Variants in CCSER2 observed in about 807,000 individuals in gnomAD.
CCSER2 encodes serine-rich coiled-coil domain-containing protein 2.
Under a neutral mutation model 92.3 loss-of-function variants are expected in CCSER2, and 46 were observed. The observed-to-expected ratio is 0.50, with a 90% CI of 0.39 to 0.64. The LOEUF is 0.64. Among genes scored for constraint, CCSER2 ranks in the 30% least tolerant of loss-of-function variants. CCSER2 has a pLI of 0.00. For synonymous variants in CCSER2, 433 were observed against 431.4 expected (o/e 1.00, Z -0.04); for missense variants, 1,244 against 1,238.9 (o/e 1.00, Z -0.06).
intron 1 of CCSER2, among the ~76,000 whole-genome samples, chr10:84,351,493 A>G (rs867700169): frequency 1.3e-5 from 2 of 152,014 alleles, no homozygotes; most frequent in African/African-American, 2.4e-5. Flanking sequence ...TGGCCTCCCA[A>G]AATCCCAAAA....
chr10:84,351,851 G>A (rs2133071492), intron 1 of CCSER2, among the ~76,000 whole-genome samples: 1 of 152,270 alleles, frequency 6.6e-6, no homozygotes, highest in African/African-American at 2.4e-5. Context: ...TATAATAATA[G>A]CCACATTTGG....
intron 6 of CCSER2, among the ~76,000 whole-genome samples, chr10:84,445,753 A>G (rs1464467062): frequency 6.6e-6 from 1 of 152,210 alleles, no homozygotes; most frequent in African/African-American, 2.4e-5. Context: ...CTTTTGCTTA[A>G]TATTATATTC....
intron 1 of CCSER2, among the ~76,000 whole-genome samples, chr10:84,369,943 A>G (rs1845976587): frequency 6.6e-6 from 1 of 152,078 alleles, no homozygotes; most frequent in Non-Finnish European, 1.5e-5. Context: ...ATGCTTTGTC[A>G]AAGGTCAGTT....
chr10:84,456,663 CTG>C (rs1845642323), intron 6 of CCSER2, among the ~76,000 whole-genome samples: 1 of 152,122 alleles, frequency 6.6e-6, no homozygotes, highest in Non-Finnish European at 1.5e-5. Context: ...AACTACCAAA[CTG>C]TTTTCCTTGG....
At chr10:84,454,088 C>T (rs1396430625) in intron 6 of CCSER2, among the ~76,000 whole-genome samples, 1 of 152,080 alleles carries the variant, frequency 6.6e-6, no homozygotes, top group African/African-American at 2.4e-5. Context: ...GCTAGAAATC[C>T]AAAACCAAGG....
intron 6 of CCSER2, among the ~76,000 whole-genome samples, chr10:84,457,039 A>G (rs1294612596): frequency 4.0e-5 from 6 of 150,278 alleles, no homozygotes; most frequent in Non-Finnish European, 5.9e-5. Flanking sequence ...TTGGGCAACT[A>G]TGTACAATTG....
chr10:84,457,301 A>ATATATAATATATTATATATAATATATT (rs1845742347), intron 6 of CCSER2, among the ~76,000 whole-genome samples: 1 of 53,396 alleles, frequency 1.9e-5, no homozygotes, highest in Non-Finnish European at 3.3e-5. Flanking sequence ...TATTATATAT[A>ATATATAATATATTATATATAATATATT]ATATGTTATA....
chr10:84,361,975 G>A (rs11597254), intron 1 of CCSER2, among the ~76,000 whole-genome samples: 5,941 of 152,220 alleles, frequency 0.039, 154 homozygotes, highest in Middle Eastern at 0.058. Flanking sequence ...TAATTCTAAC[G>A]TATGTAGATG....
intron 6 of CCSER2, among the ~76,000 whole-genome samples, chr10:84,459,314 C>T (rs1002182590): frequency 4.6e-5 from 7 of 152,120 alleles, no homozygotes; most frequent in African/African-American, 1.7e-4. Flanking sequence ...CTTTCTACAC[C>T]ATACATTCTG....
chr10:84,373,584 A>G (rs1476873155), intron 2 of CCSER2, 35 bp from the exon 3 acceptor site: 7 of 1,476,118 alleles, frequency 4.7e-6, no homozygotes, highest in Non-Finnish European at 6.6e-6. Context: ...AAACAATTAT[A>G]TTTTTGTGAA....
intron 6 of CCSER2, chr10:84,455,747 T>C: frequency 9.7e-7 from 1 of 1,033,828 alleles, no homozygotes; most frequent in Non-Finnish European, 1.5e-6. Flanking sequence ...CACCTGCACA[T>C]TCTCAGAGGG....
In CCSER2 at chr10:84,398,228, C is replaced by T. The variant is rs1176864597; in HGVS notation, c.1615-19543C>T. ...CCTCTGTCTTCAAACCGAGCAACAC[C>T]GCACCTCTTTGACCATTCTCCTTCT... is the stretch of plus-strand genomic sequence containing the variant. On this transcript the variant is annotated intron_variant, in intron 3 of 9. Transcript: ENST00000372088. Among the ~76,000 whole-genome samples the T allele has an allele frequency of 3.9e-5, 6 of 152,140 alleles. No homozygotes were observed. The East Asian group carries it at 7.7e-4, about 20-fold the overall frequency.
intron 7 of CCSER2, among the ~76,000 whole-genome samples, chr10:84,465,239 TTGTGTG>T (rs59254139): frequency 0.053 from 5,700 of 106,700 alleles, 271 homozygotes; most frequent in East Asian, 0.06. Flanking sequence ...TTTCCTGAAT[TTGTGTG>T]TGTGTGTGTG....
Position 84,424,665 on chromosome 10 carries a change from GT to G in CCSER2, c.1706-1055del, listed in dbSNP as rs904098329. On this transcript the variant is annotated intron_variant, in intron 4 of 9. Transcript: ENST00000372088. ...TGAAACAGTAATTTAAATAAGCGAG[GT>G]TTTTTTTTTTAATGGGGATTATGTT... 2.3e-4 allele frequency among the ~76,000 whole-genome samples: 34 copies of G among 145,268 alleles called. No individual in the cohort carries two copies. The South Asian group carries it at 3.5e-3, about 15-fold the overall frequency.
chr10:84,492,001 C>T (rs1411054948), intron 9 of CCSER2, among the ~76,000 whole-genome samples: 4 of 152,146 alleles, frequency 2.6e-5, no homozygotes, highest in African/African-American at 9.7e-5. Context: ...ATTTCTGGGC[C>T]ATGTGCGGTG....
chr10:84,386,491 C>A (rs913918487), intron 3 of CCSER2, among the ~76,000 whole-genome samples: 1 of 152,166 alleles, frequency 6.6e-6, no homozygotes, highest in South Asian at 2.1e-4. Flanking sequence ...CTGAGGCAGG[C>A]GGATCACTTG....
chr10:84,332,432 ATATAT>A (rs1279270353), intron 1 of CCSER2, among the ~76,000 whole-genome samples: 1 of 73,322 alleles, frequency 1.4e-5, no homozygotes, highest in Non-Finnish European at 2.3e-5. Context: ...ATATATATAT[ATATAT>A]TTTTTTTTTT....
intron 6 of CCSER2, among the ~76,000 whole-genome samples, chr10:84,457,366 T>A (rs1346848019): frequency 2.5e-4 from 22 of 89,272 alleles, no homozygotes; most frequent in Non-Finnish European, 3.9e-4. Context: ...TATATTTATT[T>A]TAAATATATA....
intron 6 of CCSER2, among the ~76,000 whole-genome samples, chr10:84,439,706 CTT>C (rs996844792): frequency 6.6e-6 from 1 of 152,146 alleles, no homozygotes; most frequent in African/African-American, 2.4e-5. Context: ...TGAAAAGAAA[CTT>C]TTTTGAGCTA....
Sources: gnomAD v4.1 joint callset for allele counts (sites outside exome capture counted in the v4.1 genomes callset) on GRCh38, gnomAD v4.1.1 for gene constraint, MANE v1.5 for transcripts, NCBI Gene and HGNC (gene_info 2026-07-23, HGNC 2026-07-21) for gene names.